Variants in KAZN observed in about 807,000 individuals in gnomAD.
KAZN encodes the protein kazrin, periplakin interacting protein, also known as kazrin.
In KAZN, 40 loss-of-function variants were observed where a neutral mutation model predicts 87.4. That is an observed-to-expected ratio of 0.46 (90% CI 0.36 to 0.60). The LOEUF is 0.60. Among genes scored for constraint, KAZN ranks in the 20% least tolerant of loss-of-function variants. KAZN has a pLI of 0.00. For synonymous variants in KAZN, 466 were observed against 458.3 expected (o/e 1.02, Z -0.22); for missense variants, 898 against 1,073.9 (o/e 0.84, Z 2.29).
Position 14,548,304 on chromosome 1 carries a change from T to A in KAZN, c.250-50679T>A, listed in dbSNP as rs1424437530. Among the ~76,000 whole-genome samples the A allele has an allele frequency of 5.9e-5, 9 of 151,492 alleles. 1 individual carries two copies. The highest frequency in any genetic ancestry group is 1.3e-4 in the Non-Finnish European group (9 of 67,918). ...ACCACTGCCTCCTGGGTTCAGGCGATTCTCCTGCCTCAGCCTCCCAAGTAG... is the reference window on the plus strand; with the variant it reads ...ACCACTGCCTCCTGGGTTCAGGCGAATCTCCTGCCTCAGCCTCCCAAGTAG... On this transcript the variant is annotated intron_variant, in intron 2 of 16. Coordinates refer to the KAZN transcript ENST00000636203.
intron 2 of KAZN, among the ~76,000 whole-genome samples, chr1:14,971,716 C>G (rs1665066872): frequency 7.9e-6 from 1 of 126,286 alleles, no homozygotes; most frequent in Non-Finnish European, 1.6e-5. Context: ...GACTCTCGCT[C>G]TGTTGCCCAG....
At chr1:14,610,958 G>A (rs534132911) in intron 1 of KAZN, among the ~76,000 whole-genome samples, 91 of 152,310 alleles carry the variant, frequency 6.0e-4, no homozygotes, top group Non-Finnish European at 7.5e-4. Context: ...TTGTTTAGAT[G>A]CCTGTGGTCA....
At chr1:13,985,498 T>C (rs1242250604) in intron 1 of KAZN, among the ~76,000 whole-genome samples, 5 of 135,198 alleles carry the variant, frequency 3.7e-5, no homozygotes, top group African/African-American at 1.1e-4. Context: ...TAGGTGGGAA[T>C]TGAACAATGA....
chr1:14,719,020 G>A (rs1284305289), intron 1 of KAZN, among the ~76,000 whole-genome samples: 1 of 152,106 alleles, frequency 6.6e-6, no homozygotes, highest in Non-Finnish European at 1.5e-5. Context: ...TGCAGGCTTG[G>A]TTTCCAAGAA....
At chr1:15,017,308 A>G (rs1436580676) in intron 2 of KAZN, among the ~76,000 whole-genome samples, 1 of 151,982 alleles carries the variant, frequency 6.6e-6, no homozygotes, top group African/African-American at 2.4e-5. Context: ...AAAAAAAAAG[A>G]CCTTATCTGT....
chr1:14,353,285 C>T (rs1041553914), intron 2 of KAZN, among the ~76,000 whole-genome samples: 7 of 148,732 alleles, frequency 4.7e-5, no homozygotes, highest in African/African-American at 7.5e-5. Flanking sequence ...AGTGCAGTGG[C>T]GCGATCTTGG....
rs1178489364 is a variant in KAZN, at chr1:14,738,724, A to G, written c.226+139501A>G. Among the ~76,000 whole-genome samples the G allele has an allele frequency of 3.9e-5, 6 of 152,026 alleles. No individual in the cohort carries two copies. The South Asian group carries it at 1.0e-3, about 26-fold the overall frequency. On this transcript the variant is annotated intron_variant, in intron 1 of 14. Transcript: ENST00000376030. ...CGTATGAAGGCTCATTCTTCCATCA[A>G]AGAGGTTTATGTACTGGATTTTTTT...
intron 1 of KAZN, among the ~76,000 whole-genome samples, chr1:14,602,144 G>A (rs1572024313): frequency 6.6e-6 from 1 of 152,166 alleles, no homozygotes; most frequent in African/African-American, 2.4e-5. Flanking sequence ...TTCCTAGCGG[G>A]TTAATGCAGT....
chr1:14,830,433 C>A (rs1210169218), intron 1 of KAZN, among the ~76,000 whole-genome samples: 1 of 152,116 alleles, frequency 6.6e-6, no homozygotes, highest in Non-Finnish European at 1.5e-5. Flanking sequence ...GGTGCCCAGC[C>A]CTCAGGAGCC....
At chr1:14,424,258 G>A (rs1241996994) in intron 2 of KAZN, among the ~76,000 whole-genome samples, 1 of 152,202 alleles carries the variant, frequency 6.6e-6, no homozygotes, top group Non-Finnish European at 1.5e-5. Context: ...GCAAATCGTA[G>A]TCTCATGATC....
At chr1:14,332,363 G>A (rs562539657) in intron 2 of KAZN, among the ~76,000 whole-genome samples, 12 of 152,236 alleles carry the variant, frequency 7.9e-5, no homozygotes, top group African/African-American at 2.6e-4. Context: ...GCTGAGTCAC[G>A]GGAGATGGAA....
chr1:13,909,207 G>C (rs189556285), intron 1 of KAZN, among the ~76,000 whole-genome samples: 271 of 152,270 alleles, frequency 1.8e-3, no homozygotes, highest in African/African-American at 6.3e-3. Flanking sequence ...TAATTTCACT[G>C]GTTCTTAAGT....
intron 2 of KAZN, among the ~76,000 whole-genome samples, chr1:14,560,781 AG>A (rs948731380): frequency 6.6e-6 from 1 of 152,172 alleles, no homozygotes; most frequent in African/African-American, 2.4e-5. Flanking sequence ...GAGAAGGGAA[AG>A]GGAAGGCAAA....
chr1:14,837,705 C>T (rs1647433329), intron 1 of KAZN, among the ~76,000 whole-genome samples: 1 of 151,750 alleles, frequency 6.6e-6, no homozygotes, highest in Non-Finnish European at 1.5e-5. Flanking sequence ...GCATGTGCCA[C>T]CACCCCTGGA....
chr1:14,553,491 T>C (rs1377811844), intron 2 of KAZN, among the ~76,000 whole-genome samples: 1 of 152,250 alleles, frequency 6.6e-6, no homozygotes, highest in African/African-American at 2.4e-5. Context: ...CTTGGTCACC[T>C]ATGTATCACC....
intron 1 of KAZN, among the ~76,000 whole-genome samples, chr1:14,714,108 T>C (rs1642648577): frequency 6.6e-6 from 1 of 152,216 alleles, no homozygotes; most frequent in Non-Finnish European, 1.5e-5. Flanking sequence ...TCTTGCTCTC[T>C]GGGCTGACTG....
intron 1 of KAZN, among the ~76,000 whole-genome samples, chr1:14,636,684 G>C (rs967319889): frequency 1.3e-5 from 2 of 152,226 alleles, no homozygotes; most frequent in African/African-American, 2.4e-5. Flanking sequence ...AAAGAAGTGA[G>C]AGACGCTCGC....
intron 1 of KAZN, among the ~76,000 whole-genome samples, chr1:14,869,150 G>A (rs1339913449): frequency 2.0e-5 from 3 of 152,164 alleles, no homozygotes; most frequent in South Asian, 2.1e-4. Context: ...GGTTGGGATC[G>A]AAGTTTAGTA....
At chr1:13,910,026 A>G (rs979835108) in intron 1 of KAZN, among the ~76,000 whole-genome samples, 2 of 152,246 alleles carry the variant, frequency 1.3e-5, no homozygotes, top group African/African-American at 4.8e-5. Flanking sequence ...GGATACTTTC[A>G]GTGGGGTCTG....
Sources: gnomAD v4.1 joint callset for allele counts (sites outside exome capture counted in the v4.1 genomes callset) on GRCh38, gnomAD v4.1.1 for gene constraint, MANE v1.5 for transcripts, NCBI Gene and HGNC (gene_info 2026-07-23, HGNC 2026-07-21) for gene names.